FASTKD1: variants seen among roughly 807,000 people sequenced by gnomAD.
FASTKD1 encodes FAST kinase domain-containing protein 1, mitochondrial.
FASTKD1 carries 94 observed loss-of-function variants against 90.9 expected under a neutral mutation model. That is an observed-to-expected ratio of 1.03 (90% CI 0.88 to 1.23). The LOEUF (loss-of-function observed/expected upper bound fraction) is 1.23, where lower values mean the gene tolerates loss of function less well. FASTKD1 is among the 50% of genes most tolerant of loss of function. FASTKD1 has a pLI of 0.00. For synonymous variants in FASTKD1, 319 were observed against 345.8 expected (o/e 0.92, Z 0.86); for missense variants, 945 against 993.5 (o/e 0.95, Z 0.66).
chr2:169,573,708 G>A lies in FASTKD1; in HGVS notation c.-182C>T, dbSNP rs1684333607. 1 of 152,228 alleles carries A rather than the reference G, an allele frequency of 6.6e-6. No homozygotes were observed. The highest frequency in any genetic ancestry group is 2.1e-4 in the South Asian group (1 of 4,832). The allele number at this position is 152,228 out of a possible 1,614,324, so 9.4% of individuals were successfully genotyped here. ...CTCAGCGCGCCGCAAATTTTCTGGA[G>A]GATCCTGGGGTTATGAAAGCTCAGA... On this transcript the variant is annotated 5_prime_UTR_variant, in exon 1 of 15. Transcript: ENST00000453153.
Position 169,544,732 on chromosome 2 carries a change from T to C in FASTKD1, c.1805A>G (p.Asn602Ser), listed in dbSNP as rs1330293226. 6.3e-7 allele frequency: 1 copy of C among 1,583,320 alleles called. No homozygotes were observed. The highest frequency in any genetic ancestry group is 8.7e-7 in the Non-Finnish European group (1 of 1,152,542). The change falls in exon 9 of 15, where the codon AAT (asparagine) becomes AGT (serine). Residue 602 changes from asparagine (N) to serine (S), a missense_variant. By Grantham distance (46) the Asn-to-Ser change is conservative. Coordinates refer to ENST00000453153, the MANE Select transcript of FASTKD1 (RefSeq NM_024622.6). ...EFLGTCVQHL[N>S]SYLGILDPFI... ...AACAATATACCTACCTAAGTAAGAA[T>C]TAAGATGTTGCACGCAAGTTCCCAA...
intron 3 of FASTKD1, among the ~76,000 whole-genome samples, chr2:169,565,159 G>A (rs1683903497): frequency 6.9e-6 from 1 of 145,800 alleles, no homozygotes. Flanking sequence ...TCTCCATGTT[G>A]AGGCTGGTCT....
At chr2:169,566,450 TA>T (rs1196760876) in intron 3 of FASTKD1, among the ~76,000 whole-genome samples, 2 of 152,036 alleles carry the variant, frequency 1.3e-5, no homozygotes, top group Non-Finnish European at 1.5e-5. Context: ...GAAAGTTTTT[TA>T]AAAAAAATTT....
Position 169,571,732 on chromosome 2 carries a change from T to G in FASTKD1, c.298A>C (p.Thr100Pro). 1.2e-6 allele frequency: 2 copies of G among 1,613,490 alleles called. No homozygotes were observed. The highest frequency in any genetic ancestry group is 1.7e-6 in the Non-Finnish European group (2 of 1,179,612). Residue 100 changes from threonine (T) to proline (P), a missense_variant, in exon 2 of 15, where the codon ACT becomes CCT. Transcript: ENST00000453153. Reference protein sequence around the residue: ...EYVRDHPQFLTLHNLATNKFK... With the variant: ...EYVRDHPQFLPLHNLATNKFK... ...TTATTTGTAGCTAAATTATGAAGAG[T>G]AAGAAATTGAGGATGGTCTCTGACA...
chr2:169,546,260 T>C lies in FASTKD1; in HGVS notation c.1659A>G (p.Leu553=), dbSNP rs539860001. 3.1e-6 allele frequency: 5 copies of C among 1,608,094 alleles called. No individual in the cohort carries two copies. Among genetic ancestry groups the C allele is most frequent in the East Asian group, 4.5e-5 (2 of 44,820 alleles). ...ISSTDYLSTL[L]LDRIASVAVQ... ...CAGCCACTGAGGCTATCCTATCTAG[T>C]AGCAAAGTACTGAGGTAATCAGTAC... is the stretch of plus-strand genomic sequence containing the variant. The change falls in exon 8 of 15, where the codon CTA becomes CTG. Residue 553 remains leucine (L), a synonymous_variant. Transcript: ENST00000453153.
chr2:169,534,452 T>G (rs1444585503), intron 12 of FASTKD1, among the ~76,000 whole-genome samples: 2 of 142,216 alleles, frequency 1.4e-5, no homozygotes, highest in South Asian at 2.1e-4. Flanking sequence ...TTTCTGTTGT[T>G]TTTTTTTTTT....
At chr2:169,548,700 C>T in intron 7 of FASTKD1, among the ~76,000 whole-genome samples, 1 of 138,494 alleles carries the variant, frequency 7.2e-6, no homozygotes, top group East Asian at 2.1e-4. Flanking sequence ...CCACTGCACT[C>T]CAGCCTGGGT....
chr2:169,555,887 G>A (rs1205028255), intron 6 of FASTKD1, among the ~76,000 whole-genome samples: 1 of 152,116 alleles, frequency 6.6e-6, no homozygotes, highest in Non-Finnish European at 1.5e-5. Context: ...AGTTCATATA[G>A]ACATTGACTG....
chr2:169,564,078 A>G (rs1683841785), intron 3 of FASTKD1, among the ~76,000 whole-genome samples: 1 of 152,188 alleles, frequency 6.6e-6, no homozygotes, highest in South Asian at 2.1e-4. Context: ...GTGCTGTTAC[A>G]TAGCAATGAT....
At chr2:169,535,425 AC>A (rs1327625531) in intron 12 of FASTKD1, among the ~76,000 whole-genome samples, 2 of 150,724 alleles carry the variant, frequency 1.3e-5, no homozygotes, top group Non-Finnish European at 2.9e-5. Context: ...AGAGGGGCAT[AC>A]CACCATGCCT....
chr2:169,550,257 T>C (rs1414271781), intron 7 of FASTKD1, among the ~76,000 whole-genome samples: 2 of 152,172 alleles, frequency 1.3e-5, no homozygotes, highest in East Asian at 3.8e-4. Flanking sequence ...AGTCATATGA[T>C]GGGTATCAAC....
chr2:169,537,421 G>A (rs1574369890), intron 11 of FASTKD1, 81 bp from the exon 12 acceptor site: 3 of 901,798 alleles, frequency 3.3e-6, no homozygotes, highest in Admixed American at 4.7e-5. Context: ...TTTCGCTCTT[G>A]TTGCCCAGGC....
At chr2:169,561,759 ATTAATTTATTGTAAATTATTT>A (rs1559156487) in intron 4 of FASTKD1, among the ~76,000 whole-genome samples, 6 of 138,134 alleles carry the variant, frequency 4.3e-5, no homozygotes, top group African/African-American at 1.6e-4. Flanking sequence ...TAAATTATTT[ATTAATTTATTGTAAATTATTT>A]ATTAATTTAT....
At chr2:169,550,665 G>A (rs1327578447) in intron 7 of FASTKD1, among the ~76,000 whole-genome samples, 2 of 152,082 alleles carry the variant, frequency 1.3e-5, no homozygotes, top group African/African-American at 4.8e-5. Context: ...TTTTTGTAGA[G>A]ACAGAGGCTT....
At chr2:169,532,170 A>T (rs1313422215) in intron 12 of FASTKD1, among the ~76,000 whole-genome samples, 3 of 152,202 alleles carry the variant, frequency 2.0e-5, no homozygotes, top group Non-Finnish European at 2.9e-5. Context: ...CTGTAATCCC[A>T]GCATTTTGGG....
chr2:169,554,193 G>A (rs1248987893), intron 7 of FASTKD1, among the ~76,000 whole-genome samples: 2 of 143,110 alleles, frequency 1.4e-5, no homozygotes, highest in Non-Finnish European at 3.0e-5. Flanking sequence ...AGGACTTCGA[G>A]GCTACAGCAA....
At chr2:169,537,395 T>C (rs1189173620) in intron 11 of FASTKD1, 55 bp from the exon 12 acceptor site, 6 of 1,254,834 alleles carry the variant, frequency 4.8e-6, no homozygotes, top group South Asian at 2.7e-5. Flanking sequence ...TTTTTTTTTT[T>C]CCTTTGAGAC....
chr2:169,561,740 T>TATTCATTATAAATTATTTATTA lies in FASTKD1; in HGVS notation c.573-977_573-956dup, dbSNP rs1559156357. ...AATTATTAATCTATTATAAATTAATTATTCATTATAAATTATTTATTAATT... is the reference window on the plus strand; with the variant it reads ...AATTATTAATCTATTATAAATTAATTATTCATTATAAATTATTTATTAATTCATTATAAATTATTTATTAATT... On this transcript the variant is annotated intron_variant, in intron 4 of 14. Coordinates refer to ENST00000453153, the MANE Select transcript of FASTKD1 (RefSeq NM_024622.6). Among the ~76,000 whole-genome samples, 7 of 69,176 alleles carry TATTCATTATAAATTATTTATTA rather than the reference T, an allele frequency of 1.0e-4. 1 individual carries two copies. The highest frequency in any genetic ancestry group is 2.4e-4 in the Non-Finnish European group (7 of 29,354). The allele number at this position is 69,176 out of a possible 152,430, so 45.4% of individuals were successfully genotyped here.
chr2:169,569,863 A>G (rs1437181050), intron 2 of FASTKD1, among the ~76,000 whole-genome samples: 2 of 152,208 alleles, frequency 1.3e-5, no homozygotes, highest in Non-Finnish European at 2.9e-5. Context: ...AAATAAATAA[A>G]TAAAATATTT....
Sources: gnomAD v4.1 joint callset for allele counts (sites outside exome capture counted in the v4.1 genomes callset) on GRCh38, gnomAD v4.1.1 for gene constraint, MANE v1.5 for transcripts, NCBI Gene and HGNC (gene_info 2026-07-23, HGNC 2026-07-21) for gene names.